The following FMR1 variants were observed in gnomAD, a reference collection of about 807,000 sequenced individuals.
The protein encoded by FMR1 is fragile X messenger ribonucleoprotein 1, also known as FMRP translational regulator 1.
FMR1 carries 13 observed loss-of-function variants against 50.6 expected under a neutral mutation model. The ratio of observed to expected loss-of-function variants is 0.26; its 90% CI spans 0.17 to 0.41. The LOEUF is 0.41. Ranked by LOEUF, FMR1 falls within the 10% of genes least tolerant of loss-of-function variation. The pLI, the probability that FMR1 is intolerant of heterozygous loss-of-function variation, is 1.00. For synonymous variants in FMR1, 138 were observed against 164.1 expected (o/e 0.84, Z 1.22); for missense variants, 316 against 491.3 (o/e 0.64, Z 3.37).
chrX:147,944,835 C>G, intron 14 of FMR1, 34 bp from the exon 15 acceptor site: 1 of 1,160,111 alleles, frequency 8.6e-7, no homozygotes. Flanking sequence ...TTTTTAAAGT[C>G]AGACAATGGT....
At chrX:147,916,095 C>T (rs184455659) in intron 1 of FMR1, among the ~76,000 whole-genome samples, 16 of 111,954 alleles carry the variant, frequency 1.4e-4, no homozygotes, top group African/African-American at 3.6e-4. Flanking sequence ...TGAACCTTGG[C>T]GCTGTACTTC....
intron 9 of FMR1, chrX:147,933,603 A>G: frequency 1.2e-6 from 1 of 862,076 alleles, no homozygotes; most frequent in Non-Finnish European, 1.4e-6. Flanking sequence ...AGATATCTTT[A>G]GTAGAACATA....
At position 147,932,430 on chromosome X, in the gene FMR1, A is replaced by G; in HGVS notation, c.636A>G (p.Ser212=). 1 of 1,209,053 alleles carries G rather than the reference A, an allele frequency of 8.3e-7. No individual in the cohort carries two copies. Among genetic ancestry groups the G allele is most frequent in the Non-Finnish European group, 1.1e-6 (1 of 893,156 alleles). Residue 212 remains serine (S), a synonymous_variant, in exon 8 of 17, where the codon TCA becomes TCG. Transcript: ENST00000370475. ...AGACGTCCATTTCTCTTCAGAGTTC[A>G]AGGCAGCTTGCCTCGAGATTTCATG... The part of the protein sequence containing the change: ...NEEASKQLES[S]RQLASRFHEQ...
intron 14 of FMR1, chrX:147,944,544 C>T (rs2044109217): frequency 1.3e-5 from 11 of 852,726 alleles, no homozygotes; most frequent in African/African-American, 2.2e-5. Flanking sequence ...TAATCTTTTC[C>T]TCCAGAGAGT....
At chrX:147,927,365 G>C (rs2043428614) in intron 3 of FMR1, among the ~76,000 whole-genome samples, 1 of 111,970 alleles carries the variant, frequency 8.9e-6, no homozygotes. Flanking sequence ...TCTCTGGCTA[G>C]AGTAGTTGAG....
chrX:147,933,650 A>G (rs781967344), intron 9 of FMR1: 1 of 827,838 alleles, frequency 1.2e-6, no homozygotes, highest in East Asian at 6.6e-5. Context: ...AAAGCTACAT[A>G]TGTTTTTAAT....
At chrX:147,931,056 G>A (rs1029318757) in intron 7 of FMR1, 3 of 111,947 alleles carry the variant, frequency 2.7e-5, no homozygotes, top group Non-Finnish European at 5.6e-5. Flanking sequence ...AAGGGGAAAA[G>A]TTTAATCTCC....
rs782232512 is a variant in FMR1, at chrX:147,928,752, A to G, written c.364A>G (p.Thr122Ala). The change falls in exon 5 of 17, where the codon ACA (threonine) becomes GCA (alanine). Residue 122 changes from threonine (T) to alanine (A), a missense_variant. By Grantham distance (58) the Thr-to-Ala change is moderately conservative. Around this residue, in one of 4 missense-constraint regions of FMR1, gnomAD observed 124 missense variants for 238.1 expected, o/e 0.52. Transcript: ENST00000370475. The part of the protein sequence containing the change: ...LRSVNPNKPA[T>A]KDTFHKIKLD... ...ATCTGTTAATCCCAACAAACCTGCC[A>G]CAAAAGATACTTTCCATAAGATCAA... 12 of 1,210,949 alleles carry G rather than the reference A, an allele frequency of 9.9e-6. No individual in the cohort carries two copies. Among genetic ancestry groups the G allele is most frequent in the Non-Finnish European group, 1.3e-5 (12 of 894,676 alleles).
intron 12 of FMR1, among the ~76,000 whole-genome samples, chrX:147,939,957 C>T (rs1242542255): frequency 1.0e-5 from 1 of 99,815 alleles, no homozygotes; most frequent in East Asian, 3.1e-4. Flanking sequence ...GTCAGGAGAT[C>T]GAGACCATCC....
intron 14 of FMR1, 22 bp from the exon 15 acceptor site, chrX:147,944,847 T>C: frequency 8.3e-7 from 1 of 1,200,813 alleles, no homozygotes; most frequent in South Asian, 1.8e-5. Context: ...GACAATGGTA[T>C]ATAACTTTTA....
chrX:147,921,719 A>G (rs924982665), intron 1 of FMR1, among the ~76,000 whole-genome samples: 1 of 111,603 alleles, frequency 9.0e-6, no homozygotes, highest in African/African-American at 3.3e-5. Flanking sequence ...TCTCATGTTT[A>G]GTGTTTTAGC....
At chrX:147,916,395 TA>T (rs2042860848) in intron 1 of FMR1, among the ~76,000 whole-genome samples, 1 of 111,392 alleles carries the variant, frequency 9.0e-6, no homozygotes, top group Admixed American at 9.5e-5. Context: ...TGTCTCTCTT[TA>T]TTCTTTTATG....
At chrX:147,920,764 T>C (rs1420936973) in intron 1 of FMR1, among the ~76,000 whole-genome samples, 1 of 111,874 alleles carries the variant, frequency 8.9e-6, no homozygotes, top group African/African-American at 3.3e-5. Flanking sequence ...AACCTAGACT[T>C]CTCAGTTCTC....
rs782682355 is a variant in FMR1 at position 147,943,116 on chromosome X, G to C, written c.1276-15G>C. On this transcript the variant is annotated splice_polypyrimidine_tract_variant and intron_variant, in intron 13 of 16. Coordinates refer to ENST00000370475, the MANE Select transcript of FMR1 (RefSeq NM_002024.6). ...GTCAAATTATTTTTACTGTTATCTT[G>C]TATATTTTAAATAGGAAGTAGACCA... The C allele has an allele frequency of 1.7e-6, 2 of 1,172,565 alleles. No homozygotes were observed. Among genetic ancestry groups the C allele is most frequent in the Admixed American group, 4.4e-5 (2 of 45,911 alleles).
chrX:147,932,701 A>G lies in FMR1; in HGVS notation c.818A>G (p.Lys273Arg), dbSNP rs139029212. The change falls in exon 9 of 17, where the codon AAA becomes AGA. Residue 273 changes from lysine to arginine, a missense_variant. By Grantham distance (26) the Lys-to-Arg change is conservative (BLOSUM62 2). Coordinates refer to ENST00000370475, the MANE Select transcript of FMR1 (RefSeq NM_002024.6). ...HIYGEDQDAV[K>R]KARSFLEFAE... is the part of the protein sequence containing the mutation. The stretch of plus-strand genomic sequence containing the variant: ...TTTTATTAGGATCAGGATGCAGTGA[A>G]AAAAGCTAGAAGCTTTCTCGAATTT... The G allele has an allele frequency of 1.6e-4, 195 of 1,207,121 alleles. No individual in the cohort carries two copies. The highest frequency in any genetic ancestry group is 1.6e-4 in the Non-Finnish European group (146 of 893,147).
At position 147,912,090 on chromosome X, in the gene FMR1, C is replaced by CGGCGGCGGCGGCGGA. The variant is rs1931665079; in HGVS notation, c.-76_-75insAGGCGGCGGCGGCGG. The CGGCGGCGGCGGCGGA allele has an allele frequency of 1.4e-5, 7 of 507,112 alleles. No individual in the cohort carries two copies. Among genetic ancestry groups the CGGCGGCGGCGGCGGA allele is most frequent in the East Asian group, 1.7e-4 (1 of 5,798 alleles). The allele number at this position is 507,112 out of a possible 1,213,427, so 41.8% of individuals were successfully genotyped here. A position where few individuals can be genotyped will look rare whatever the true frequency, so the allele number is the denominator to read the frequency against. On this transcript the variant is annotated 5_prime_UTR_variant, in exon 1 of 17. Coordinates refer to ENST00000370475, the MANE Select transcript of FMR1 (RefSeq NM_002024.6). The stretch of plus-strand genomic sequence containing the variant: ...GCGGCGGCGGCGGCGGAGGCGGCGG[C>CGGCGGCGGCGGCGGA]GGCGGCGGCGGCGGCGGCGGCTGGG...
chrX:147,937,630 A>C (rs782325234), intron 11 of FMR1, 30 bp downstream of exon 11: 3 of 697,978 alleles, frequency 4.3e-6, no homozygotes, highest in Non-Finnish European at 7.0e-6. Context: ...TTGAATTACA[A>C]TACAAGTAAT....
chrX:147,937,350 C>G, intron 10 of FMR1, 116 bp from the exon 11 acceptor site: 1 of 505,960 alleles, frequency 2.0e-6, no homozygotes, highest in South Asian at 3.0e-5. Flanking sequence ...TAAACCAAAA[C>G]TGTTTATAAT....
rs2044066477 is a variant in FMR1 at position 147,943,237 on chromosome X, A to G, written c.1382A>G (p.Tyr461Cys). ...AATCGTACAGATAAGGAAAAAAGCT[A>G]TGTGACTGATGATGGTCAAGGAATG... ...PPNRTDKEKS[Y>C]VTDDGQGMGR... Residue 461 changes from tyrosine to cysteine, a missense_variant, in exon 14 of 17, where the codon TAT becomes TGT. Physicochemically the swap from Tyr to Cys is radical, Grantham distance 194. Transcript: ENST00000370475. 1.4e-5 allele frequency: 17 copies of G among 1,208,900 alleles called. No homozygotes were observed. Among genetic ancestry groups the G allele is most frequent in the Non-Finnish European group, 1.7e-5 (15 of 894,445 alleles).
Sources: allele counts gnomAD v4.1 joint callset (sites outside exome capture counted in the v4.1 genomes callset), GRCh38; gene constraint gnomAD v4.1.1; regional missense constraint gnomAD v4.1.1; transcripts MANE v1.5; gene names NCBI Gene and HGNC (gene_info 2026-07-23, HGNC 2026-07-21).